The following WFS1 variants were observed in gnomAD, a reference collection of about 807,000 sequenced individuals.
WFS1 encodes wolframin ER transmembrane glycoprotein.
WFS1 carries 90 observed loss-of-function variants against 68.5 expected under a neutral mutation model. That is an observed-to-expected ratio of 1.31 (90% CI 1.11 to 1.56). The LOEUF (loss-of-function observed/expected upper bound fraction) is 1.56. Ranked by LOEUF, WFS1 falls within the 40% of genes most tolerant of loss-of-function variation. The pLI is 0.00. For synonymous variants in WFS1, 860 were observed against 540.7 expected (o/e 1.59, Z -8.19); for missense variants, 1,767 against 1,232.6 (o/e 1.43, Z -6.49).
Position 6,301,444 on chromosome 4 carries a change from A to C in WFS1, c.1649A>C (p.Glu550Ala), listed in dbSNP as rs760990181. Residue 550 changes from glutamate to alanine, a missense_variant, in exon 8 of 8, where the codon GAG (glutamate) becomes GCG (alanine). Glu to Ala is a moderately radical substitution (Grantham distance 107). Transcript: ENST00000226760. ...GAGCTCTCCGTGGTCATCCTGCTGG[A>C]GTCCACCGGCCTGGGGCTGCTCCGC... is the stretch of plus-strand genomic sequence containing the variant. ...WCELSVVILLESTGLGLLRAS... is the reference protein window; with the variant it reads ...WCELSVVILLASTGLGLLRAS... 9 of 1,612,320 alleles carry C rather than the reference A, an allele frequency of 5.6e-6. No individual in the cohort carries two copies. The Admixed American group carries it at 1.0e-4, about 18-fold the overall frequency.
chr4:6,302,722 T>C lies in WFS1; in HGVS notation c.*254T>C. The C allele has an allele frequency of 6.7e-6, 4 of 595,594 alleles. No homozygotes were observed. 36.9% of individuals were successfully genotyped at this position (595,594 alleles called of 1,614,324 possible). A position where few individuals can be genotyped will look rare whatever the true frequency, so the allele number is the denominator to read the frequency against. On this transcript the variant is annotated 3_prime_UTR_variant, in exon 8 of 8. Coordinates refer to ENST00000226760, the MANE Select transcript of WFS1 (RefSeq NM_006005.3). ...CCACCCTGAGCCTGACCTTTCTGAG[T>C]GACATGGGTGTGCCAGGCTAGACTA...
chr4:6,301,490 C>G lies in WFS1; in HGVS notation c.1695C>G (p.Leu565=), dbSNP rs755736687. The G allele has an allele frequency of 4.3e-6, 7 of 1,613,124 alleles. No homozygotes were observed. The highest frequency in any genetic ancestry group is 5.9e-6 in the Non-Finnish European group (7 of 1,179,916). ...GLLRASIGYF[L]FLFALPILVA... ...TCCGCGCCTCCATCGGCTACTTCCT[C>G]TTCCTCTTTGCCCTCCCCATCCTGG... Residue 565 remains leucine (L), a synonymous_variant, in exon 8 of 8, where the codon CTC becomes CTG. Transcript: ENST00000226760.
intron 1 of WFS1, among the ~76,000 whole-genome samples, chr4:6,275,940 A>G (rs1729981199): frequency 6.6e-6 from 1 of 152,140 alleles, no homozygotes. Context: ...TGGTCCTCAC[A>G]GTTGCCCCGT....
chr4:6,299,795 GGTT>G lies in WFS1; in HGVS notation c.862-858_862-856del, dbSNP rs571890956. Among the ~76,000 whole-genome samples, 404 of 142,626 alleles carry G rather than the reference GGTT, an allele frequency of 2.8e-3. 9 individuals carry two copies. The highest frequency in any genetic ancestry group is 9.8e-3 in the African/African-American group (363 of 37,128). 93.6% of individuals were successfully genotyped at this position (142,626 alleles called of 152,430 possible). ...GTGTGTGAATGTGTGTGTAGGGGTG[GGTT>G]GTTTGAATGCGGGTAGGTTGCGTGT... On this transcript the variant is annotated intron_variant, in intron 7 of 7. Coordinates refer to ENST00000226760, the MANE Select transcript of WFS1 (RefSeq NM_006005.3).
intron 1 of WFS1, among the ~76,000 whole-genome samples, chr4:6,271,906 T>C (rs1729855166): frequency 6.6e-6 from 1 of 152,214 alleles, no homozygotes; most frequent in South Asian, 2.1e-4. Flanking sequence ...CTCTCCCTCC[T>C]GTGTCCTCTC....
rs767713446 is a variant in WFS1, at chr4:6,302,082, C to T, written c.2287C>T (p.His763Tyr). The T allele has an allele frequency of 3.1e-6, 5 of 1,612,900 alleles. No homozygotes were observed. Among genetic ancestry groups the T allele is most frequent in the South Asian group, 2.2e-5 (2 of 91,088 alleles). Residue 763 changes from histidine (H) to tyrosine (Y), a missense_variant, in exon 8 of 8, where the codon CAC becomes TAC. By Grantham distance (83) the His-to-Tyr change is moderately conservative. Transcript: ENST00000226760. Reference protein sequence around the residue: ...ELCRLKLLAKHPCHIKKFDRY... With the variant: ...ELCRLKLLAKYPCHIKKFDRY... ...CTGTCGCCTTAAGCTGCTGGCCAAG[C>T]ACCCCTGCCACATCAAGAAGTTCGA...
chr4:6,297,860 G>C (rs1293550027), intron 7 of WFS1, among the ~76,000 whole-genome samples: 1 of 152,152 alleles, frequency 6.6e-6, no homozygotes, highest in African/African-American at 2.4e-5. Context: ...TACATTGCAG[G>C]GAGCAGAAAT....
chr4:6,273,494 G>A (rs1265413188), intron 1 of WFS1, among the ~76,000 whole-genome samples: 11 of 152,166 alleles, frequency 7.2e-5, no homozygotes, highest in Admixed American at 6.5e-4. Flanking sequence ...CTGGGGTCTG[G>A]GGGAGGGACT....
At chr4:6,299,201 G>C (rs973678387) in intron 7 of WFS1, among the ~76,000 whole-genome samples, 1 of 152,248 alleles carries the variant, frequency 6.6e-6, no homozygotes, top group East Asian at 1.9e-4. Flanking sequence ...CACAGACCAG[G>C]AAGGCATGAG....
chr4:6,289,122 G>A lies in WFS1; in HGVS notation c.451G>A (p.Asp151Asn), dbSNP rs1435528346. The change falls in exon 4 of 8, where the codon GAC becomes AAC. Residue 151 changes from aspartate to asparagine, a missense_variant. Asp to Asn is a conservative substitution (Grantham distance 23). Coordinates refer to ENST00000226760, the MANE Select transcript of WFS1 (RefSeq NM_006005.3). Reference protein sequence around the residue: ...AVKLLRRCLADRRGITSENER... With the variant: ...AVKLLRRCLANRRGITSENER... Reference sequence around the variant, plus strand: ...GAAGCTGCTTCGCCGGTGCTTGGCGGACAGAAGAGGTGGGTCTGTGTGAGG... The same window carrying A: ...GAAGCTGCTTCGCCGGTGCTTGGCGAACAGAAGAGGTGGGTCTGTGTGAGG... 2.5e-6 allele frequency: 4 copies of A among 1,577,370 alleles called. No individual in the cohort carries two copies. The highest frequency in any genetic ancestry group is 3.7e-5 in the Admixed American group (2 of 54,636).
Position 6,301,144 on chromosome 4 carries a change from A to G in WFS1, c.1349A>G (p.His450Arg). 1.2e-6 allele frequency: 2 copies of G among 1,613,126 alleles called. No homozygotes were observed. Among genetic ancestry groups the G allele is most frequent in the South Asian group, 1.1e-5 (1 of 91,054 alleles). ...TVTSYLSLST[H>R]AEPYTRRALA... The stretch of plus-strand genomic sequence containing the variant: ...ACCAGCTACCTGAGCCTGAGCACCC[A>G]TGCAGAGCCCTACACGCGCAGGGCC... Residue 450 changes from histidine (H) to arginine (R), a missense_variant, in exon 8 of 8, where the codon CAT (histidine) becomes CGT (arginine). Transcript: ENST00000226760.
chr4:6,277,498 C>T lies in WFS1; in HGVS notation c.43C>T (p.Pro15Ser), dbSNP rs1180652182. The T allele has an allele frequency of 1.3e-6, 2 of 1,571,914 alleles. No individual in the cohort carries two copies. The highest frequency in any genetic ancestry group is 1.7e-6 in the Non-Finnish European group (2 of 1,159,054). The part of the protein sequence containing the change: ...TAPLGPSCPQ[P>S]PPAPQPQARS... ...TCCGCTGGGCCCCTCCTGCCCACAG[C>T]CCCCGCCAGCACCGCAGCCCCAGGC... The change falls in exon 2 of 8, where the codon CCC becomes TCC. Residue 15 changes from proline (P) to serine (S), a missense_variant. Physicochemically the swap from Pro to Ser is moderately conservative, Grantham distance 74 (BLOSUM62 -1). Transcript: ENST00000226760.
chr4:6,292,981 T>C (rs935333795), intron 6 of WFS1, among the ~76,000 whole-genome samples: 4 of 152,220 alleles, frequency 2.6e-5, no homozygotes, highest in Non-Finnish European at 5.9e-5. Flanking sequence ...GTGCTTGCGC[T>C]GCTGTTTTCC....
In WFS1 at chr4:6,283,228, T is replaced by C. The variant is rs1234873384; in HGVS notation, c.233-3865T>C. Among the ~76,000 whole-genome samples, 1 of 152,132 alleles carries C rather than the reference T, an allele frequency of 6.6e-6. No individual in the cohort carries two copies. The highest frequency in any genetic ancestry group is 1.5e-5 in the Non-Finnish European group (1 of 68,020). Reference sequence around the variant, plus strand: ...GACAAATAATTAAAAAGATGTAGGGTGTTCTCCATAGAACCTCACAGAGGG... The same window carrying C: ...GACAAATAATTAAAAAGATGTAGGGCGTTCTCCATAGAACCTCACAGAGGG... On this transcript the variant is annotated intron_variant, in intron 2 of 7. Coordinates refer to ENST00000226760, the MANE Select transcript of WFS1 (RefSeq NM_006005.3). The surrounding 1 kb of genome is among the most constrained non-coding windows in gnomAD (Gnocchi z 5.0).
chr4:6,289,020 AC>A lies in WFS1; in HGVS notation c.350del (p.Thr117ArgfsTer26). On this transcript the variant is annotated frameshift_variant, in exon 4 of 8. Coordinates refer to ENST00000226760, the MANE Select transcript of WFS1 (RefSeq NM_006005.3). LOFTEE classifies it high-confidence loss of function. ...GKHYLQLAGD[T>X]DEELNSCTAV... ...GCACTACCTGCAGTTGGCCGGCGAC[AC>A]GGATGAAGAACTCAACAGCTGCACC... The A allele has an allele frequency of 6.2e-7, 1 of 1,608,138 alleles. No individual in the cohort carries two copies.
At chr4:6,274,862 CAGAAATGAGCTTGCAGAAGCATTAGAAT>C (rs1729949030) in intron 1 of WFS1, among the ~76,000 whole-genome samples, 1 of 152,000 alleles carries the variant, frequency 6.6e-6, no homozygotes, top group South Asian at 2.1e-4. Context: ...TCGTCTTTTT[CAGAAATGAGCTTGCAGAAGCATTAGAAT>C]TGGGCAGGTC....
Position 6,302,550 on chromosome 4 carries a change from C to T in WFS1, c.*82C>T, listed in dbSNP as rs1188633385. 3 of 1,586,090 alleles carry T rather than the reference C, an allele frequency of 1.9e-6. No homozygotes were observed. Among genetic ancestry groups the T allele is most frequent in the East Asian group, 4.5e-5 (2 of 44,598 alleles). ...GTGGCCCCAGCCCGACAGGCATGCA[C>T]CAGTGCCGCCTGTGCCCACGTGTGC... On this transcript the variant is annotated 3_prime_UTR_variant, in exon 8 of 8. Coordinates refer to ENST00000226760, the MANE Select transcript of WFS1 (RefSeq NM_006005.3).
intron 3 of WFS1, 47 bp from the exon 4 acceptor site, chr4:6,288,940 G>A: frequency 6.3e-7 from 1 of 1,595,266 alleles, no homozygotes; most frequent in Non-Finnish European, 8.5e-7. Flanking sequence ...AGCATGGGGT[G>A]GGAGAGGGTC....
At chr4:6,295,668 G>A (rs1437197392) in intron 7 of WFS1, among the ~76,000 whole-genome samples, 2 of 152,246 alleles carry the variant, frequency 1.3e-5, no homozygotes, top group East Asian at 3.8e-4. Flanking sequence ...GGCTCAGGGA[G>A]CGAGGCCAGT....
Sources: allele counts gnomAD v4.1 joint callset (sites outside exome capture counted in the v4.1 genomes callset), GRCh38; gene constraint gnomAD v4.1.1; non-coding constraint Gnocchi (gnomAD v3.1); transcripts MANE v1.5; gene names NCBI Gene and HGNC (gene_info 2026-07-23, HGNC 2026-07-21).